HEMK2: variants seen among roughly 807,000 people sequenced by gnomAD.
HEMK2 encodes the protein methyltransferase HEMK2.
chr21:28,879,596 T>C, the HEMK2 span, among the ~76,000 whole-genome samples: 2 of 152,246 alleles, frequency 1.3e-5, no homozygotes, highest in East Asian at 3.8e-4. Flanking sequence ...ACATGTAATA[T>C]ATATGTACAT....
chr21:28,629,144 G>A, the HEMK2 span, among the ~76,000 whole-genome samples: 3 of 152,188 alleles, frequency 2.0e-5, no homozygotes, highest in African/African-American at 7.2e-5. Flanking sequence ...GGCATAATGT[G>A]AGAAACCATA....
At chr21:28,801,756 A>G in the HEMK2 span, among the ~76,000 whole-genome samples, 1 of 152,204 alleles carries the variant, frequency 6.6e-6, no homozygotes, top group African/African-American at 2.4e-5. Context: ...AAAATTGGCA[A>G]TTTCAAATGA....
chr21:28,730,202 A>ACC, the HEMK2 span, among the ~76,000 whole-genome samples: 29 of 150,840 alleles, frequency 1.9e-4, 1 homozygote, highest in South Asian at 1.5e-3. Flanking sequence ...GCATAGTGAG[A>ACC]CCCCCATTGC....
the HEMK2 span, among the ~76,000 whole-genome samples, chr21:28,704,339 A>T: frequency 6.6e-6 from 1 of 152,052 alleles, no homozygotes; most frequent in Non-Finnish European, 1.5e-5. Context: ...CCTTATACTC[A>T]TGAGGCATTT....
At chr21:28,586,351 G>T in the HEMK2 span, among the ~76,000 whole-genome samples, 1 of 152,142 alleles carries the variant, frequency 6.6e-6, no homozygotes, top group Non-Finnish European at 1.5e-5. Context: ...TCTTAAACTG[G>T]TGTTAAAATA....
At chr21:28,815,235 T>TG in the HEMK2 span, among the ~76,000 whole-genome samples, 1 of 36,672 alleles carries the variant, frequency 2.7e-5, no homozygotes, top group Non-Finnish European at 5.1e-5. Context: ...TGTTGTGGGG[T>TG]GGGGGGAGGG....
chr21:28,714,138 C>T, the HEMK2 span, among the ~76,000 whole-genome samples: 1 of 152,096 alleles, frequency 6.6e-6, no homozygotes, highest in East Asian at 1.9e-4. Context: ...TATGTCATTG[C>T]CTTGATGCCT....
the HEMK2 span, among the ~76,000 whole-genome samples, chr21:28,725,100 C>A: frequency 1.3e-5 from 2 of 152,136 alleles, no homozygotes; most frequent in African/African-American, 4.8e-5. Flanking sequence ...TTCCCTAAAT[C>A]TCTCTATGTA....
the HEMK2 span, among the ~76,000 whole-genome samples, chr21:28,741,015 G>T: frequency 3.9e-5 from 6 of 152,074 alleles, no homozygotes; most frequent in African/African-American, 1.4e-4. Context: ...TTCCTAAGTT[G>T]GTTTCTGTTT....
chr21:28,580,751 G>A, the HEMK2 span, among the ~76,000 whole-genome samples: 54 of 152,224 alleles, frequency 3.5e-4, no homozygotes, highest in African/African-American at 1.3e-3. Context: ...AACCTGGATA[G>A]CTAAAACACT....
chr21:28,595,448 C>G, the HEMK2 span, among the ~76,000 whole-genome samples: 2 of 152,102 alleles, frequency 1.3e-5, no homozygotes, highest in Non-Finnish European at 2.9e-5. Flanking sequence ...TCTTTCTGTG[C>G]CTGGCTTATT....
chr21:28,603,364 T>C, the HEMK2 span, among the ~76,000 whole-genome samples: 1 of 152,158 alleles, frequency 6.6e-6, no homozygotes, highest in Admixed American at 6.5e-5. Context: ...ATGGTGACAT[T>C]GTGAATTCAT....
chr21:28,738,276 A>C, the HEMK2 span, among the ~76,000 whole-genome samples: 1 of 152,166 alleles, frequency 6.6e-6, no homozygotes, highest in African/African-American at 2.4e-5. Context: ...CTTTGTAAAA[A>C]TCTGACTTTT....
chr21:28,742,736 G>A, the HEMK2 span, among the ~76,000 whole-genome samples: 2 of 151,950 alleles, frequency 1.3e-5, no homozygotes, highest in South Asian at 4.1e-4. Flanking sequence ...TTCTAAAACA[G>A]TCATGTGCAA....
At chr21:28,668,430 T>C in the HEMK2 span, among the ~76,000 whole-genome samples, 3 of 152,066 alleles carry the variant, frequency 2.0e-5, no homozygotes, top group Admixed American at 2.0e-4. Flanking sequence ...ATAACATCGC[T>C]CAAAGGCTGA....
the HEMK2 span, among the ~76,000 whole-genome samples, chr21:28,794,390 A>G: frequency 6.6e-6 from 1 of 152,236 alleles, no homozygotes; most frequent in Non-Finnish European, 1.5e-5. Flanking sequence ...GTGTAATGAG[A>G]ATAACTCAAA....
the HEMK2 span, among the ~76,000 whole-genome samples, chr21:28,750,147 A>G: frequency 2.0e-4 from 31 of 152,330 alleles, no homozygotes; most frequent in African/African-American, 7.2e-4. Context: ...ATACACTAAT[A>G]TATGTAGAAA....
the HEMK2 span, among the ~76,000 whole-genome samples, chr21:28,642,475 C>T: frequency 1.6e-3 from 240 of 152,302 alleles, 5 homozygotes; most frequent in East Asian, 0.036. Flanking sequence ...AGTGTCCAAG[C>T]GTGTTACTAC....
the HEMK2 span, among the ~76,000 whole-genome samples, chr21:28,881,877 A>G: frequency 2.0e-5 from 3 of 152,188 alleles, no homozygotes. Context: ...GGCTCAAGCA[A>G]TCATCCCACC....
Sources: allele counts gnomAD v4.1 joint callset (sites outside exome capture counted in the v4.1 genomes callset), GRCh38; gene constraint gnomAD v4.1.1; transcripts MANE v1.5; gene names NCBI Gene and HGNC (gene_info 2026-07-23, HGNC 2026-07-21).